The following CRTC3 variants were observed in gnomAD, a reference collection of about 807,000 sequenced individuals.
The protein encoded by CRTC3 is CREB regulated transcription coactivator 3.
Under a neutral mutation model 74.5 loss-of-function variants are expected in CRTC3, and 26 were observed. The ratio of observed to expected loss-of-function variants is 0.35; its 90% CI spans 0.26 to 0.48. CRTC3 has a LOEUF of 0.48. CRTC3 is among the 20% of genes least tolerant of loss of function. The pLI is 0.99. For missense variants in CRTC3, 760 were observed against 787.3 expected (o/e 0.97, Z 0.41); for synonymous variants, 377 against 325.8 (o/e 1.16, Z -1.69).
At chr15:90,616,002 G>A (rs1431732470) in intron 7 of CRTC3, among the ~76,000 whole-genome samples, 2 of 151,890 alleles carry the variant, frequency 1.3e-5, no homozygotes, top group Non-Finnish European at 2.9e-5. Flanking sequence ...TGGGACTACA[G>A]GCACCCACCA....
At chr15:90,627,660 C>T (rs1287635901) in intron 10 of CRTC3, among the ~76,000 whole-genome samples, 1 of 150,684 alleles carries the variant, frequency 6.6e-6, no homozygotes, top group Non-Finnish European at 1.5e-5. Flanking sequence ...CTTGCTGTGT[C>T]GCCCAGGCTG....
chr15:90,625,793 G>A lies in CRTC3; in HGVS notation c.767G>A (p.Gly256Asp). 6.2e-7 allele frequency: 1 copy of A among 1,614,050 alleles called. No individual in the cohort carries two copies. The highest frequency in any genetic ancestry group is 8.5e-7 in the Non-Finnish European group (1 of 1,179,914). Residue 256 changes from glycine (G) to aspartate (D), a missense_variant, in exon 10 of 15, where the codon GGT becomes GAT. This residue lies in a region of CRTC3 where 652 missense variants were observed against 635.2 expected (regional missense o/e 1.03). Coordinates refer to ENST00000268184, the MANE Select transcript of CRTC3 (RefSeq NM_022769.5). Reference sequence around the variant, plus strand: ...TTTTTCAGTGCTTTTCCACATAATGGTCAAAACCTAGGCCTCTCACCCTTC... The same window carrying A: ...TTTTTCAGTGCTTTTCCACATAATGATCAAAACCTAGGCCTCTCACCCTTC... ...VGGGNAFPHN[G>D]QNLGLSPFLG...
intron 2 of CRTC3, among the ~76,000 whole-genome samples, chr15:90,563,282 G>A (rs982936226): frequency 6.6e-6 from 1 of 151,762 alleles, no homozygotes; most frequent in African/African-American, 2.4e-5. Context: ...GGTCAATGCC[G>A]GTAATCCCAG....
intron 2 of CRTC3, among the ~76,000 whole-genome samples, chr15:90,561,112 A>G (rs995058598): frequency 6.6e-6 from 1 of 152,218 alleles, no homozygotes; most frequent in African/African-American, 2.4e-5. Context: ...CATCTGCAAG[A>G]TGTGGCTACT....
chr15:90,534,524 C>T (rs1966685441), intron 1 of CRTC3, among the ~76,000 whole-genome samples: 1 of 152,008 alleles, frequency 6.6e-6, no homozygotes. Context: ...GTATTTTGCC[C>T]TCTAACATGT....
chr15:90,559,102 C>T (rs921382192), intron 2 of CRTC3, among the ~76,000 whole-genome samples: 1 of 152,106 alleles, frequency 6.6e-6, no homozygotes, highest in Admixed American at 6.6e-5. Context: ...CTCCTCCAAG[C>T]CCCCTGGGAG....
chr15:90,638,867 T>A (rs1467524465), intron 13 of CRTC3, 52 bp downstream of exon 13: 29 of 1,431,028 alleles, frequency 2.0e-5, no homozygotes, highest in Non-Finnish European at 2.8e-5. Context: ...CTGTACCATT[T>A]AGGTTGTTCA....
intron 2 of CRTC3, among the ~76,000 whole-genome samples, chr15:90,569,230 C>T (rs1967199034): frequency 6.6e-6 from 1 of 151,860 alleles, no homozygotes; most frequent in Non-Finnish European, 1.5e-5. Flanking sequence ...TCTCAAACTC[C>T]TGGCTTTAAG....
chr15:90,564,366 G>C (rs565468392), intron 2 of CRTC3, among the ~76,000 whole-genome samples: 3 of 152,238 alleles, frequency 2.0e-5, no homozygotes, highest in Non-Finnish European at 2.9e-5. Flanking sequence ...ACATCATTAG[G>C]GTTGGTAGTA....
rs6145675 is a variant in CRTC3, at chr15:90,556,958, CTATATATATATATATATATATATA to C, written c.231+16839_231+16862del. Among the ~76,000 whole-genome samples, 189 of 130,528 alleles carry C rather than the reference CTATATATATATATATATATATATA, an allele frequency of 1.4e-3. 5 individuals carry two copies. In the South Asian group the frequency reaches 0.034, roughly 23 times the overall value. The allele number at this position is 130,528 out of a possible 152,430, so 85.6% of individuals were successfully genotyped here. On this transcript the variant is annotated intron_variant, in intron 2 of 14. Transcript: ENST00000268184. ...TATTCTCTTTATAATCACCACATGGCTATATATATATATATATATATATATATATATATATATATATCTTTATAA... is the reference window on the plus strand; with the variant it reads ...TATTCTCTTTATAATCACCACATGGCTATATATATATATATATCTTTATAA...
rs959730028 is a variant in CRTC3 at position 90,607,846 on chromosome 15, A to C, written c.577+368A>C. ...TCTTTCCCCACCCAGGATCTGAACA[A>C]ACTGAGAAATACAACTAGAAGTGAC... On this transcript the variant is annotated intron_variant, in intron 6 of 14. Coordinates refer to ENST00000268184, the MANE Select transcript of CRTC3 (RefSeq NM_022769.5). Among the ~76,000 whole-genome samples the C allele has an allele frequency of 9.9e-5, 15 of 152,214 alleles. 1 individual carries two copies. In the South Asian group the frequency reaches 2.7e-3, roughly 27 times the overall value.
At chr15:90,573,826 C>G (rs969835571) in intron 2 of CRTC3, among the ~76,000 whole-genome samples, 2 of 152,190 alleles carry the variant, frequency 1.3e-5, no homozygotes, top group Non-Finnish European at 2.9e-5. Context: ...CTCTCCATCT[C>G]TGTCCTAGCC....
chr15:90,548,766 AT>A (rs1173709831), intron 2 of CRTC3, among the ~76,000 whole-genome samples: 6 of 152,216 alleles, frequency 3.9e-5, no homozygotes, highest in Non-Finnish European at 7.3e-5. Flanking sequence ...CTTTTATGTG[AT>A]AAAACAACAT....
intron 4 of CRTC3, among the ~76,000 whole-genome samples, chr15:90,602,913 G>A (rs980440034): frequency 6.6e-6 from 1 of 151,920 alleles, no homozygotes; most frequent in South Asian, 2.1e-4. Flanking sequence ...GTCGGAGGTT[G>A]CAGTGAGCTG....
chr15:90,568,153 GC>G (rs1967168926), intron 2 of CRTC3, among the ~76,000 whole-genome samples: 1 of 152,220 alleles, frequency 6.6e-6, no homozygotes, highest in Non-Finnish European at 1.5e-5. Context: ...TAGAAGTGGA[GC>G]CTGAAGATGT....
intron 2 of CRTC3, among the ~76,000 whole-genome samples, chr15:90,567,299 G>A (rs1303380333): frequency 6.6e-6 from 1 of 152,106 alleles, no homozygotes; most frequent in African/African-American, 2.4e-5. Flanking sequence ...TAAGCCCACT[G>A]TTGAGACCTA....
At chr15:90,592,969 A>G (rs1475969318) in intron 2 of CRTC3, among the ~76,000 whole-genome samples, 2 of 152,178 alleles carry the variant, frequency 1.3e-5, no homozygotes. Flanking sequence ...CCTGGCCAAC[A>G]TGGTGCAACC....
intron 1 of CRTC3, among the ~76,000 whole-genome samples, chr15:90,532,064 C>G (rs996774532): frequency 1.3e-5 from 2 of 152,180 alleles, no homozygotes; most frequent in African/African-American, 4.8e-5. Context: ...TCAGTCACCA[C>G]TTTATTCTAA....
rs370610729 is a variant in CRTC3 at position 90,641,150 on chromosome 15, A to G, written c.1602A>G (p.Arg534=). Residue 534 remains arginine (R), a synonymous_variant, in exon 14 of 15, where the codon AGA becomes AGG. Coordinates refer to ENST00000268184, the MANE Select transcript of CRTC3 (RefSeq NM_022769.5). The part of the protein sequence containing the change: ...SRELQDSFHL[R]PSPYSNCGSL... ...AACTGCAGGACTCTTTTCATTTGAG[A>G]CCAAGCCCGTATTCCAACTGCGGGA... The G allele has an allele frequency of 3.1e-6, 5 of 1,613,838 alleles. No homozygotes were observed. Among genetic ancestry groups the G allele is most frequent in the Non-Finnish European group, 4.2e-6 (5 of 1,179,988 alleles).
Sources: gnomAD v4.1 joint callset for allele counts (sites outside exome capture counted in the v4.1 genomes callset) on GRCh38, gnomAD v4.1.1 for gene constraint, gnomAD v4.1.1 regional missense constraint, MANE v1.5 for transcripts, NCBI Gene and HGNC (gene_info 2026-07-23, HGNC 2026-07-21) for gene names.